The following DDIT4 variants were observed in gnomAD, a reference collection of about 807,000 sequenced individuals.
DDIT4 encodes the protein DNA damage-inducible transcript 4 protein.
A neutral mutation model predicts 20.2 loss-of-function variants in DDIT4; 20 were observed. That is an observed-to-expected ratio of 0.99 (90% confidence interval 0.70 to 1.44). The LOEUF is 1.44. Among genes scored for constraint, DDIT4 ranks in the 40% most tolerant of loss-of-function variants. The pLI is 0.00. For missense variants in DDIT4, 316 were observed against 298.1 expected (o/e 1.06, Z -0.44); for synonymous variants, 152 against 144.6 (o/e 1.05, Z -0.37).
chr10:72,274,098 G>A (rs1289601822), intron 1 of DDIT4, 38 bp downstream of exon 1: 6 of 766,724 alleles, frequency 7.8e-6, no homozygotes, highest in South Asian at 2.8e-5. Context: ...TAGAGCTCGC[G>A]GTCTGGTCTG....
chr10:72,274,834 G>C lies in DDIT4; in HGVS notation c.345G>C (p.Ala115=). The C allele has an allele frequency of 6.2e-7, 1 of 1,613,598 alleles. No homozygotes were observed. Among genetic ancestry groups the C allele is most frequent in the Non-Finnish European group, 8.5e-7 (1 of 1,180,016 alleles). Residue 115 remains alanine, a synonymous_variant, in exon 3 of 3, where the codon GCG becomes GCC. Transcript: ENST00000307365. Reference sequence around the variant, plus strand: ...CGCGGCTGGGCTCTCGACGCCCTGCGCGCCTGCTGATGCCTAGCCAGTTGG... The same window carrying C: ...CGCGGCTGGGCTCTCGACGCCCTGCCCGCCTGCTGATGCCTAGCCAGTTGG... ...AQARLGSRRP[A]RLLMPSQLVS...
At position 72,274,811 on chromosome 10, in the gene DDIT4, C is replaced by G; in HGVS notation, c.322C>G (p.Arg108Gly). 1 of 1,613,760 alleles carries G rather than the reference C, an allele frequency of 6.2e-7. No individual in the cohort carries two copies. Among genetic ancestry groups the G allele is most frequent in the Non-Finnish European group, 8.5e-7 (1 of 1,180,022 alleles). Residue 108 changes from arginine (R) to glycine (G), a missense_variant, in exon 3 of 3, where the codon CGG (arginine) becomes GGG (glycine). Transcript: ENST00000307365. ...QLLQESLAQA[R>G]LGSRRPARLL... is the part of the protein sequence containing the mutation. ...GCTGCAGGAGAGCCTGGCCCAGGCG[C>G]GGCTGGGCTCTCGACGCCCTGCGCG...
At position 72,273,998 on chromosome 10, in the gene DDIT4, C is replaced by CATTAAAAAA; in HGVS notation, c.-123_-122insATTAAAAAA. The CATTAAAAAA allele has an allele frequency of 8.2e-6, 4 of 488,746 alleles. No homozygotes were observed. Among genetic ancestry groups the CATTAAAAAA allele is most frequent in the South Asian group, 3.0e-5 (1 of 33,670 alleles). 30.3% of individuals were successfully genotyped at this position (488,746 alleles called of 1,614,324 possible). A position where few individuals can be genotyped will look rare whatever the true frequency, so the allele number is the denominator to read the frequency against. On this transcript the variant is annotated 5_prime_UTR_variant, in exon 1 of 3. Coordinates refer to ENST00000307365, the MANE Select transcript of DDIT4 (RefSeq NM_019058.4). ...CGGCTCTCGGTGGTTGGCACGGGTT[C>CATTAAAAAA]GCACACCCATTCAAGCGGCAGGACG...
rs1374695143 is a variant in DDIT4, at chr10:72,275,119, G to A, written c.630G>A (p.Leu210=). 3 of 1,613,250 alleles carry A rather than the reference G, an allele frequency of 1.9e-6. No individual in the cohort carries two copies. The highest frequency in any genetic ancestry group is 4.5e-5 in the East Asian group (2 of 44,890). The change falls in exon 3 of 3, where the codon CTG becomes CTA. Residue 210 remains leucine, a synonymous_variant. Coordinates refer to ENST00000307365, the MANE Select transcript of DDIT4 (RefSeq NM_019058.4). ...FLPGFSQSLT[L]STGFRVIKKK... ...CTGGCTTCAGCCAGTCCCTGACGCT[G>A]AGCACTGGCTTCCGAGTCATCAAGA...
At position 72,274,154 on chromosome 10, in the gene DDIT4, C is replaced by A; in HGVS notation, c.-60-3C>A. 7.4e-7 allele frequency: 1 copy of A among 1,354,484 alleles called. No homozygotes were observed. The highest frequency in any genetic ancestry group is 1.1e-6 in the Non-Finnish European group (1 of 947,752). 83.9% of individuals were successfully genotyped at this position (1,354,484 alleles called of 1,614,324 possible). A position where few individuals can be genotyped will look rare whatever the true frequency, so the allele number is the denominator to read the frequency against. On this transcript the variant is annotated splice_region_variant and splice_polypyrimidine_tract_variant and intron_variant, in intron 1 of 2. Transcript: ENST00000307365. ...CCTGGTCGGTCCCCCTCTTGTCTTACAGCGGCTTCTACGCTCCGGCACTCT... is the reference window on the plus strand; with the variant it reads ...CCTGGTCGGTCCCCCTCTTGTCTTAAAGCGGCTTCTACGCTCCGGCACTCT...
chr10:72,274,714 G>T lies in DDIT4; in HGVS notation c.225G>T (p.Gly75=), dbSNP rs981228493. Residue 75 remains glycine, a synonymous_variant, in exon 3 of 3, where the codon GGG becomes GGT. Transcript: ENST00000307365. ...GPEEDTAYLD[G]VSLPDFELLS... The stretch of plus-strand genomic sequence containing the variant: ...TTCCAGACACGGCTTACCTGGATGG[G>T]GTGTCGTTGCCCGACTTCGAGCTGC... 6.2e-7 allele frequency: 1 copy of T among 1,610,990 alleles called. No homozygotes were observed. The highest frequency in any genetic ancestry group is 8.5e-7 in the Non-Finnish European group (1 of 1,178,004).
chr10:72,274,448 A>G, intron 2 of DDIT4, 27 bp downstream of exon 2: 5 of 1,525,098 alleles, frequency 3.3e-6, no homozygotes, highest in African/African-American at 1.4e-5. Context: ...TGCCGACGCG[A>G]CTCGAGGGGC....
In DDIT4 at chr10:72,273,996, T is replaced by TATCA; in HGVS notation, c.-125_-124insATCA. 4 of 350,394 alleles carry TATCA rather than the reference T, an allele frequency of 1.1e-5. No individual in the cohort carries two copies. Among genetic ancestry groups the TATCA allele is most frequent in the East Asian group, 3.9e-5 (1 of 25,638 alleles). 21.7% of individuals were successfully genotyped at this position (350,394 alleles called of 1,614,324 possible). ...GGCGGCTCTCGGTGGTTGGCACGGG[T>TATCA]TCGCACACCCATTCAAGCGGCAGGA... On this transcript the variant is annotated 5_prime_UTR_variant, in exon 1 of 3. Coordinates refer to ENST00000307365, the MANE Select transcript of DDIT4 (RefSeq NM_019058.4).
Position 72,275,642 on chromosome 10 carries a change from G to A in DDIT4, c.*454G>A, listed in dbSNP as rs1564805115. On this transcript the variant is annotated 3_prime_UTR_variant, in exon 3 of 3. Transcript: ENST00000307365. ...TTTGTGTATCTTACTGGTCTGAAGG[G>A]ACCAAGTGTGTTTGTTGTTTGTTTT... 1 of 170,188 alleles carries A rather than the reference G, an allele frequency of 5.9e-6. No individual in the cohort carries two copies. Among genetic ancestry groups the A allele is most frequent in the South Asian group, 1.3e-4 (1 of 7,786 alleles). The allele number at this position is 170,188 out of a possible 1,614,324, so 10.5% of individuals were successfully genotyped here.
rs1188949043 is a variant in DDIT4 at position 72,274,802 on chromosome 10, G to T, written c.313G>T (p.Ala105Ser). ...GATGCAGCTGCTGCAGGAGAGCCTG[G>T]CCCAGGCGCGGCTGGGCTCTCGACG... ...NLMQLLQESL[A>S]QARLGSRRPA... The change falls in exon 3 of 3, where the codon GCC becomes TCC. Residue 105 changes from alanine to serine, a missense_variant. Physicochemically the swap from Ala to Ser is moderately conservative, Grantham distance 99 (BLOSUM62 1). Coordinates refer to ENST00000307365, the MANE Select transcript of DDIT4 (RefSeq NM_019058.4). The T allele has an allele frequency of 1.9e-6, 3 of 1,613,766 alleles. No homozygotes were observed. Among genetic ancestry groups the T allele is most frequent in the Non-Finnish European group, 2.5e-6 (3 of 1,180,052 alleles).
chr10:72,274,622 CA>C, intron 2 of DDIT4, 72 bp from the exon 3 acceptor site: 1 of 1,514,510 alleles, frequency 6.6e-7, no homozygotes, highest in Admixed American at 2.1e-5. Flanking sequence ...CTTAAGGAAA[CA>C]GCACCTCCCC....
intron 2 of DDIT4, 22 bp downstream of exon 2, chr10:72,274,443 A>G (rs1270479989): frequency 1.3e-6 from 2 of 1,532,672 alleles, no homozygotes; most frequent in African/African-American, 2.7e-5. Context: ...GCGGGTGCCG[A>G]CGCGACTCGA....
In DDIT4 at chr10:72,274,340, G is replaced by A. The variant is rs1860800428; in HGVS notation, c.124G>A (p.Gly42Arg). ...SAWGSATREE[G>R]FDRSTSLESS... ...CTGGGGGTCGGCGACCCGGGAGGAG[G>A]GGTTTGACCGCTCCACGAGCCTGGA... The change falls in exon 2 of 3, where the codon GGG (glycine) becomes AGG (arginine). Residue 42 changes from glycine (G) to arginine (R), a missense_variant. Physicochemically the swap from Gly to Arg is moderately radical, Grantham distance 125. Coordinates refer to ENST00000307365, the MANE Select transcript of DDIT4 (RefSeq NM_019058.4). 6.2e-7 allele frequency: 1 copy of A among 1,611,840 alleles called. No homozygotes were observed.
rs1166409569 is a variant in DDIT4, at chr10:72,275,270, A to AG, written c.*85dup. The AG allele has an allele frequency of 6.8e-7, 1 of 1,463,744 alleles. No homozygotes were observed. Among genetic ancestry groups the AG allele is most frequent in the African/African-American group, 1.4e-5 (1 of 71,216 alleles). The allele number at this position is 1,463,744 out of a possible 1,614,324, so 90.7% of individuals were successfully genotyped here. On this transcript the variant is annotated 3_prime_UTR_variant, in exon 3 of 3. Coordinates refer to ENST00000307365, the MANE Select transcript of DDIT4 (RefSeq NM_019058.4). ...GGGTGGAGACTAGAGGCAGGAGCTG[A>AG]GGGACTGATTCCTGTGGTTGGAAAA...
rs1589730461 is a variant in DDIT4, at chr10:72,275,549, T to G, written c.*361T>G. 9.3e-6 allele frequency: 2 copies of G among 215,356 alleles called. No individual in the cohort carries two copies. The highest frequency in any genetic ancestry group is 1.2e-4 in the East Asian group (1 of 8,128). The allele number at this position is 215,356 out of a possible 1,614,324, so 13.3% of individuals were successfully genotyped here. A position where few individuals can be genotyped will look rare whatever the true frequency, so the allele number is the denominator to read the frequency against. ...GCTCCCGCCCCAGCCCGGCCCAGGGTGAAGGAAGAGGCACGTGCTCCTCAG... is the reference window on the plus strand; with the variant it reads ...GCTCCCGCCCCAGCCCGGCCCAGGGGGAAGGAAGAGGCACGTGCTCCTCAG... On this transcript the variant is annotated 3_prime_UTR_variant, in exon 3 of 3. Coordinates refer to ENST00000307365, the MANE Select transcript of DDIT4 (RefSeq NM_019058.4).
Position 72,274,973 on chromosome 10 carries a change from C to T in DDIT4, c.484C>T (p.Gln162Ter). ...EQGKSCHSVG[Q>*]LALDPSLVPT... The stretch of plus-strand genomic sequence containing the variant: ...GGGCAAGAGCTGCCACAGCGTGGGC[C>T]AGCTGGCACTCGACCCCAGCCTGGT... The change falls in exon 3 of 3, where the codon CAG becomes TAG. Residue 162 changes from glutamine (Q) to a stop codon, truncating the protein, a stop_gained. Coordinates refer to ENST00000307365, the MANE Select transcript of DDIT4 (RefSeq NM_019058.4). LOFTEE classifies it high-confidence loss of function. 1.9e-6 allele frequency: 3 copies of T among 1,613,102 alleles called. No homozygotes were observed. Among genetic ancestry groups the T allele is most frequent in the Non-Finnish European group, 2.5e-6 (3 of 1,179,960 alleles).
chr10:72,274,490 G>T, intron 2 of DDIT4, 69 bp downstream of exon 2: 1 of 1,465,954 alleles, frequency 6.8e-7, no homozygotes. Flanking sequence ...GTGCTGGAAG[G>T]GGTCAGAGCC....
rs1860816258 is a variant in DDIT4, at chr10:72,275,264, G to A, written c.*76G>A. 1 of 1,482,866 alleles carries A rather than the reference G, an allele frequency of 6.7e-7. No individual in the cohort carries two copies. Among genetic ancestry groups the A allele is most frequent in the Admixed American group, 2.1e-5 (1 of 47,324 alleles). 91.9% of individuals were successfully genotyped at this position (1,482,866 alleles called of 1,614,324 possible). A position where few individuals can be genotyped will look rare whatever the true frequency, so the allele number is the denominator to read the frequency against. ...CTTTTGGGGTGGAGACTAGAGGCAG[G>A]AGCTGAGGGACTGATTCCTGTGGTT... On this transcript the variant is annotated 3_prime_UTR_variant, in exon 3 of 3. Transcript: ENST00000307365.
rs551440551 is a variant in DDIT4, at chr10:72,274,880, C to T, written c.391C>T (p.Leu131=). Residue 131 remains leucine (L), a synonymous_variant, in exon 3 of 3, where the codon CTA becomes TTA. Transcript: ENST00000307365. The part of the protein sequence containing the change: ...SQLVSQVGKE[L]LRLAYSEPCG... ...GTTGGTAAGCCAGGTGGGCAAAGAACTACTGCGCCTGGCCTACAGCGAGCC... is the reference window on the plus strand; with the variant it reads ...GTTGGTAAGCCAGGTGGGCAAAGAATTACTGCGCCTGGCCTACAGCGAGCC... The T allele has an allele frequency of 7.4e-6, 12 of 1,613,268 alleles. No homozygotes were observed. The highest frequency in any genetic ancestry group is 1.3e-5 in the African/African-American group (1 of 75,076).
Sources: gnomAD v4.1 joint callset for allele counts on GRCh38, gnomAD v4.1.1 for gene constraint, MANE v1.5 for transcripts, NCBI Gene and HGNC (gene_info 2026-07-23, HGNC 2026-07-21) for gene names.